The following B3GALT1 variants were observed in gnomAD, a reference collection of about 807,000 sequenced individuals.
B3GALT1 encodes the protein beta-1,3-galactosyltransferase 1, also known as UDP-Gal:betaGlcNAc beta 1,3-galactosyltransferase, polypeptide 1.
A neutral mutation model predicts 23.2 loss-of-function variants in B3GALT1; 10 were observed. That is an observed-to-expected ratio of 0.43 (90% confidence interval 0.27 to 0.73). The LOEUF is 0.73. B3GALT1 is among the 30% of genes least tolerant of loss of function. B3GALT1 has a pLI of 0.21. For missense variants in B3GALT1, 299 were observed against 405.4 expected, an observed-to-expected ratio of 0.74 and a Z score of 2.25; for synonymous variants, 156 against 141.5, an observed-to-expected ratio of 1.10 and a Z score of -0.73.
intron 4 of B3GALT1, among the ~76,000 whole-genome samples, chr2:167,826,220 G>A (rs7587607): frequency 0.035 from 5,351 of 152,162 alleles, 322 homozygotes; most frequent in African/African-American, 0.12. Context: ...CCGGTCTTGC[G>A]CTCAGTCCTC....
At chr2:167,734,028 G>A (rs899664518) in intron 3 of B3GALT1, among the ~76,000 whole-genome samples, 1 of 152,174 alleles carries the variant, frequency 6.6e-6, no homozygotes, top group African/African-American at 2.4e-5. Flanking sequence ...AGGTCATAGA[G>A]TGAGTCAGAG....
At chr2:167,547,900 T>G (rs886860645) in intron 2 of B3GALT1, among the ~76,000 whole-genome samples, 2 of 152,146 alleles carry the variant, frequency 1.3e-5, no homozygotes, top group African/African-American at 4.8e-5. Flanking sequence ...CAATTTCCAC[T>G]GGCTATGTGT....
intron 2 of B3GALT1, among the ~76,000 whole-genome samples, chr2:167,567,297 A>G (rs1684189659): frequency 6.6e-6 from 1 of 152,210 alleles, no homozygotes; most frequent in Non-Finnish European, 1.5e-5. Flanking sequence ...TATTTCAGAT[A>G]GTGTTCAAAT....
intron 2 of B3GALT1, among the ~76,000 whole-genome samples, chr2:167,598,132 A>C (rs1359906704): frequency 6.6e-6 from 1 of 152,190 alleles, no homozygotes; most frequent in East Asian, 1.9e-4. Context: ...TATTATGTGG[A>C]TCTAGACTGA....
chr2:167,618,569 A>C (rs1161002725), intron 2 of B3GALT1, among the ~76,000 whole-genome samples: 1 of 152,034 alleles, frequency 6.6e-6, no homozygotes, highest in Non-Finnish European at 1.5e-5. Flanking sequence ...CTAATCTACA[A>C]ATCTTACTCA....
chr2:167,502,480 C>T (rs1699861346), intron 2 of B3GALT1, among the ~76,000 whole-genome samples: 1 of 152,192 alleles, frequency 6.6e-6, no homozygotes, highest in South Asian at 2.1e-4. Flanking sequence ...AAGAAGTTTA[C>T]TTGCATCACG....
intron 1 of B3GALT1, among the ~76,000 whole-genome samples, chr2:167,352,998 C>T (rs576421718): frequency 1.3e-5 from 2 of 152,246 alleles, no homozygotes; most frequent in East Asian, 3.9e-4. Context: ...ATGTTTAAAA[C>T]AGAAGCCCTG....
chr2:167,485,747 C>A (rs1331518632), intron 1 of B3GALT1, among the ~76,000 whole-genome samples: 1 of 152,104 alleles, frequency 6.6e-6, no homozygotes, highest in African/African-American at 2.4e-5. Flanking sequence ...TAAATTTGAA[C>A]CTCTGGAAAA....
At chr2:167,663,962 T>C (rs2105475477) in intron 3 of B3GALT1, among the ~76,000 whole-genome samples, 1 of 151,550 alleles carries the variant, frequency 6.6e-6, no homozygotes, top group African/African-American at 2.4e-5. Context: ...GCTCTTTAGT[T>C]TAATGAGATC....
chr2:167,668,605 C>T (rs373664359), intron 3 of B3GALT1, among the ~76,000 whole-genome samples: 38 of 152,284 alleles, frequency 2.5e-4, no homozygotes, highest in African/African-American at 9.1e-4. Context: ...CAGCGAGACT[C>T]CGTGGGCTTA....
At chr2:167,632,298 A>G (rs1223386352) in intron 2 of B3GALT1, among the ~76,000 whole-genome samples, 1 of 151,994 alleles carries the variant, frequency 6.6e-6, no homozygotes, top group Non-Finnish European at 1.5e-5. Flanking sequence ...ATAATCCTTC[A>G]GGTATATACC....
intron 3 of B3GALT1, among the ~76,000 whole-genome samples, chr2:167,734,181 A>G (rs989621049): frequency 6.6e-6 from 1 of 152,210 alleles, no homozygotes; most frequent in East Asian, 1.9e-4. Context: ...AAAATTCAGT[A>G]ACATAAGTCC....
intron 2 of B3GALT1, among the ~76,000 whole-genome samples, chr2:167,602,917 A>G (rs1684900237): frequency 6.6e-6 from 1 of 152,130 alleles, no homozygotes; most frequent in Admixed American, 6.6e-5. Context: ...CCCCTTGTAT[A>G]ATATTTCTTT....
Position 167,431,734 on chromosome 2 carries a change from A to C in B3GALT1, c.-510-58443A>C, listed in dbSNP as rs113200968. Among the ~76,000 whole-genome samples, 1,109 of 152,308 alleles carry C rather than the reference A, an allele frequency of 7.3e-3. 16 individuals are homozygous for C. Among genetic ancestry groups the C allele is most frequent in the African/African-American group, 0.025 (1,046 of 41,576 alleles). On this transcript the variant is annotated intron_variant, in intron 1 of 4. Transcript: ENST00000392690. ...GGATACTTGTTTTAAAAGGATGGGC[A>C]AAGCATCCTGCTCTTTCAGACCACT...
At chr2:167,595,336 C>A (rs114760159) in intron 2 of B3GALT1, among the ~76,000 whole-genome samples, 17 of 152,268 alleles carry the variant, frequency 1.1e-4, no homozygotes, top group African/African-American at 4.1e-4. Flanking sequence ...ATCGCCCACC[C>A]ATATCATGTG....
intron 3 of B3GALT1, among the ~76,000 whole-genome samples, chr2:167,745,199 T>C (rs34852350): frequency 0.18 from 22,990 of 127,170 alleles, 2,090 homozygotes; most frequent in Non-Finnish European, 0.26. Context: ...TAATAAAGTC[T>C]GATATTCCTC....
At chr2:167,802,623 A>G (rs1334432655) in intron 3 of B3GALT1, among the ~76,000 whole-genome samples, 1 of 152,228 alleles carries the variant, frequency 6.6e-6, no homozygotes, top group Admixed American at 6.5e-5. Flanking sequence ...CAAATGGCTT[A>G]ATGATTCTTA....
At chr2:167,647,990 C>A (rs1398371179) in intron 3 of B3GALT1, among the ~76,000 whole-genome samples, 2 of 152,104 alleles carry the variant, frequency 1.3e-5, no homozygotes, top group Non-Finnish European at 2.9e-5. Flanking sequence ...CTTTTAGTTT[C>A]TCATCTTACA....
chr2:167,351,366 T>C (rs747515711), intron 1 of B3GALT1, among the ~76,000 whole-genome samples: 1 of 152,170 alleles, frequency 6.6e-6, no homozygotes, highest in Non-Finnish European at 1.5e-5. Flanking sequence ...GTACAATCTT[T>C]CTTACAAGTT....
Sources: gnomAD v4.1 joint callset for allele counts (sites outside exome capture counted in the v4.1 genomes callset) on GRCh38, gnomAD v4.1.1 for gene constraint, MANE v1.5 for transcripts, NCBI Gene and HGNC (gene_info 2026-07-23, HGNC 2026-07-21) for gene names.